Variants in GRXCR2 observed in about 807,000 individuals in gnomAD.
GRXCR2 encodes glutaredoxin domain-containing cysteine-rich protein 2.
In GRXCR2, 23 loss-of-function variants were observed where a neutral mutation model predicts 24.8. The observed-to-expected ratio is 0.93, with a 90% CI of 0.67 to 1.32. The LOEUF is 1.32. GRXCR2 is among the 40% of genes most tolerant of loss of function. GRXCR2 has a pLI of 0.00. For missense variants in GRXCR2, 315 were observed against 303.4 expected (o/e 1.04, Z -0.28); for synonymous variants, 130 against 116.1 (o/e 1.12, Z -0.77).
chr5:145,892,478 T>C (rs952635920), intron 2 of GRXCR2, among the ~76,000 whole-genome samples: 5 of 152,072 alleles, frequency 3.3e-5, no homozygotes, highest in Non-Finnish European at 5.9e-5. Flanking sequence ...GAGAACTACA[T>C]GACGAATGCA....
chr5:145,906,338 G>T (rs1757089392), intron 2 of GRXCR2, among the ~76,000 whole-genome samples: 1 of 151,728 alleles, frequency 6.6e-6, no homozygotes, highest in African/African-American at 2.4e-5. Flanking sequence ...TGGACTTTAG[G>T]GGAAAATGTT....
chr5:145,873,032 G>T, upstream of GRXCR2: 2 of 1,341,574 alleles, frequency 1.5e-6, no homozygotes, highest in Non-Finnish European at 2.1e-6. Context: ...GGGCCTCTGA[G>T]AAAAAGGCAT....
chr5:145,879,957 G>A (rs890108011), intron 2 of GRXCR2, among the ~76,000 whole-genome samples: 103 of 152,228 alleles, frequency 6.8e-4, no homozygotes, highest in African/African-American at 2.3e-3. Context: ...GGTAAATAAC[G>A]AAATGAAGGC....
intron 1 of GRXCR2, among the ~76,000 whole-genome samples, chr5:145,869,643 C>T (rs1756496195): frequency 6.6e-6 from 1 of 151,596 alleles, no homozygotes; most frequent in African/African-American, 2.4e-5. Flanking sequence ...CTGCAAGCTC[C>T]GCCTCACGGG....
At chr5:145,893,040 T>A (rs1756894367) in intron 2 of GRXCR2, among the ~76,000 whole-genome samples, 2 of 152,112 alleles carry the variant, frequency 1.3e-5, no homozygotes, top group Non-Finnish European at 2.9e-5. Context: ...CTAAGCTTCA[T>A]AAGTGAAGGA....
At chr5:145,924,256 T>C (rs1197382182) in intron 2 of GRXCR2, among the ~76,000 whole-genome samples, 1 of 152,192 alleles carries the variant, frequency 6.6e-6, no homozygotes, top group Non-Finnish European at 1.5e-5. Flanking sequence ...GTTGAACAGT[T>C]AATTAATCAT....
chr5:145,859,912 C>T lies in GRXCR2; in HGVS notation c.568G>A (p.Gly190Arg), dbSNP rs745650659. Residue 190 changes from glycine (G) to arginine (R), a missense_variant, in exon 3 of 3, where the codon GGG becomes AGG. By Grantham distance (125) the Gly-to-Arg change is moderately radical. Transcript: ENST00000377976. ...TLPQNRYTQEGDIPEDSCFHC... is the reference protein window; with the variant it reads ...TLPQNRYTQERDIPEDSCFHC... ...AAACAGCTGTCCTCGGGAATATCCC[C>T]TTCCTGCAAGAGACAGGTTAGGGTT... 12 of 1,567,962 alleles carry T rather than the reference C, an allele frequency of 7.7e-6. No homozygotes were observed. Among genetic ancestry groups the T allele is most frequent in the Non-Finnish European group, 1.0e-5 (12 of 1,156,844 alleles).
At chr5:145,915,669 G>T (rs1757226863) in intron 2 of GRXCR2, among the ~76,000 whole-genome samples, 1 of 151,934 alleles carries the variant, frequency 6.6e-6, no homozygotes, top group Non-Finnish European at 1.5e-5. Flanking sequence ...AGGAGGTGGA[G>T]GTTGCAGTGA....
chr5:145,873,139 C>A (rs1756562366), upstream of GRXCR2: 3 of 606,084 alleles, frequency 4.9e-6, no homozygotes, highest in East Asian at 2.8e-5. Context: ...TATTGATAGA[C>A]CCTCATGAAA....
intron 2 of GRXCR2, among the ~76,000 whole-genome samples, chr5:145,918,388 A>G (rs1297219185): frequency 6.6e-6 from 1 of 152,220 alleles, no homozygotes; most frequent in Non-Finnish European, 1.5e-5. Flanking sequence ...TCTACAGCTC[A>G]GCAAAGCCAG....
At chr5:145,914,751 C>A (rs1757213223) in intron 2 of GRXCR2, among the ~76,000 whole-genome samples, 1 of 148,354 alleles carries the variant, frequency 6.7e-6, no homozygotes, top group Non-Finnish European at 1.5e-5. Flanking sequence ...TGGGCAGTAC[C>A]TCCACTGCCT....
intron 2 of GRXCR2, among the ~76,000 whole-genome samples, chr5:145,926,651 T>A (rs919889987): frequency 3.9e-5 from 6 of 152,186 alleles, no homozygotes; most frequent in Non-Finnish European, 5.9e-5. Context: ...TAGTTTGAAG[T>A]CAGGTAGTGT....
rs555245029 is a variant in GRXCR2, at chr5:145,882,391, A to G, written c.-69-15663T>C. On this transcript the variant is annotated intron_variant, in intron 2 of 3. Transcript: ENST00000639411. ...GAACAGACACTTCTCAAAAGAAGACATTTATGCAGCCAACAGACACATGAA... is the reference window on the plus strand; with the variant it reads ...GAACAGACACTTCTCAAAAGAAGACGTTTATGCAGCCAACAGACACATGAA... 3.3e-5 allele frequency among the ~76,000 whole-genome samples: 5 copies of G among 152,354 alleles called. No homozygotes were observed. The South Asian group carries it at 1.0e-3, about 32-fold the overall frequency.
intron 2 of GRXCR2, among the ~76,000 whole-genome samples, chr5:145,907,465 G>A (rs962114112): frequency 6.6e-6 from 1 of 151,962 alleles, no homozygotes; most frequent in Non-Finnish European, 1.5e-5. Flanking sequence ...GGAGGCGGAG[G>A]TTGCAGTGAG....
chr5:145,857,908 G>C (rs1299841885), downstream of GRXCR2, among the ~76,000 whole-genome samples: 2 of 152,158 alleles, frequency 1.3e-5, no homozygotes, highest in Non-Finnish European at 1.5e-5. Flanking sequence ...AGTTCCATGA[G>C]ATACCAAAGG....
upstream of GRXCR2, among the ~76,000 whole-genome samples, chr5:145,876,187 G>T (rs1224818561): frequency 1.3e-5 from 1 of 77,082 alleles, no homozygotes; most frequent in African/African-American, 8.3e-5. Context: ...GTATGTGTGT[G>T]TGTGTATATA....
chr5:145,918,727 C>T (rs1184325350), intron 2 of GRXCR2, among the ~76,000 whole-genome samples: 2 of 152,164 alleles, frequency 1.3e-5, no homozygotes, highest in Admixed American at 6.5e-5. Context: ...GGATTTCCCC[C>T]CATCTAGAGG....
intron 2 of GRXCR2, among the ~76,000 whole-genome samples, chr5:145,891,719 C>G (rs951218955): frequency 6.6e-6 from 1 of 152,164 alleles, no homozygotes; most frequent in Non-Finnish European, 1.5e-5. Flanking sequence ...AGGGCATAGC[C>G]AAACAAAAGG....
intron 2 of GRXCR2, among the ~76,000 whole-genome samples, chr5:145,910,689 G>C (rs577074706): frequency 4.1e-4 from 62 of 152,262 alleles, no homozygotes; most frequent in African/African-American, 1.3e-3. Context: ...CAACATAAAA[G>C]ATATATAAAT....
Sources: allele counts gnomAD v4.1 joint callset (sites outside exome capture counted in the v4.1 genomes callset), GRCh38; gene constraint gnomAD v4.1.1; transcripts MANE v1.5; gene names NCBI Gene and HGNC (gene_info 2026-07-23, HGNC 2026-07-21).